LOC400499: variants seen among roughly 807,000 people sequenced by gnomAD.
the LOC400499 span, among the ~76,000 whole-genome samples, chr16:11,410,985 C>T: frequency 6.6e-6 from 1 of 152,258 alleles, no homozygotes; most frequent in Non-Finnish European, 1.5e-5. Context: ...AGGCGCCAGG[C>T]ACTGGGTGAG....
At chr16:11,393,327 T>A in the LOC400499 span, 16 of 1,172,976 alleles carry the variant, frequency 1.4e-5, no homozygotes, top group Non-Finnish European at 1.6e-5. Context: ...CAGACCCCCG[T>A]CCTTTCTTGA....
the LOC400499 span, among the ~76,000 whole-genome samples, chr16:11,433,966 T>C: frequency 9.2e-5 from 14 of 152,204 alleles, no homozygotes; most frequent in Non-Finnish European, 2.1e-4. Context: ...TTTTCGCGAA[T>C]GATCAGACAC....
the LOC400499 span, among the ~76,000 whole-genome samples, chr16:11,521,648 C>G: frequency 6.6e-6 from 1 of 152,182 alleles, no homozygotes; most frequent in Admixed American, 6.5e-5. Flanking sequence ...CAGTCCACCC[C>G]TAGGGCACAG....
At chr16:11,401,439 T>A in the LOC400499 span, 1 of 399,454 alleles carries the variant, frequency 2.5e-6, no homozygotes, top group Non-Finnish European at 4.4e-6. Flanking sequence ...CCAGTGGCCT[T>A]GCCCAGACAG....
the LOC400499 span, among the ~76,000 whole-genome samples, chr16:11,499,787 C>G: frequency 0.01 from 1,545 of 152,274 alleles, 35 homozygotes; most frequent in African/African-American, 0.035. Flanking sequence ...TTGGCACTCA[C>G]TATTAGCCGG....
chr16:11,412,516 C>A, the LOC400499 span, among the ~76,000 whole-genome samples: 1 of 152,216 alleles, frequency 6.6e-6, no homozygotes, highest in Admixed American at 6.5e-5. Context: ...TGGCCCCTGA[C>A]TTACTGCACA....
chr16:11,463,057 G>T, the LOC400499 span, among the ~76,000 whole-genome samples: 1 of 152,168 alleles, frequency 6.6e-6, no homozygotes, highest in Non-Finnish European at 1.5e-5. Context: ...ACAACCCAAA[G>T]TCCTTGTGAA....
the LOC400499 span, among the ~76,000 whole-genome samples, chr16:11,499,707 GC>G: frequency 6.6e-6 from 1 of 152,088 alleles, no homozygotes; most frequent in Admixed American, 6.5e-5. Flanking sequence ...GGTCTCTGAT[GC>G]CCCCAGGGAC....
chr16:11,431,198 G>C, the LOC400499 span: 2 of 399,032 alleles, frequency 5.0e-6, no homozygotes, highest in Non-Finnish European at 8.8e-6. Context: ...GCTGTGTTCT[G>C]GTCCAGCAGT....
At chr16:11,374,934 C>T in the LOC400499 span, among the ~76,000 whole-genome samples, 20 of 151,800 alleles carry the variant, frequency 1.3e-4, no homozygotes, top group South Asian at 6.3e-4. Context: ...CTGCAACCTC[C>T]GCCTCCCGGG....
the LOC400499 span, among the ~76,000 whole-genome samples, chr16:11,386,106 C>G: frequency 6.6e-6 from 1 of 152,218 alleles, no homozygotes; most frequent in African/African-American, 2.4e-5. Flanking sequence ...TGGGGGGAAA[C>G]ATTCACTATG....
the LOC400499 span, chr16:11,488,901 G>A: frequency 4.0e-5 from 16 of 398,610 alleles, no homozygotes; most frequent in South Asian, 1.3e-4. Flanking sequence ...GGGAGGGGCC[G>A]TGAGGAAAGG....
the LOC400499 span, among the ~76,000 whole-genome samples, chr16:11,453,601 T>C: frequency 6.6e-6 from 1 of 152,006 alleles, no homozygotes; most frequent in Non-Finnish European, 1.5e-5. Flanking sequence ...AAAATGCTAG[T>C]AGAAGGGCTA....
At chr16:11,409,564 A>C in the LOC400499 span, among the ~76,000 whole-genome samples, 1 of 152,256 alleles carries the variant, frequency 6.6e-6, no homozygotes, top group Admixed American at 6.5e-5. Context: ...TAAGAAAATT[A>C]AAAAGACATG....
the LOC400499 span, chr16:11,435,603 C>A: frequency 7.5e-6 from 3 of 398,958 alleles, no homozygotes; most frequent in Non-Finnish European, 1.3e-5. Flanking sequence ...TCCCAGGACA[C>A]CAGCCTTTTG....
chr16:11,385,841 T>C, the LOC400499 span, among the ~76,000 whole-genome samples: 2 of 152,166 alleles, frequency 1.3e-5, no homozygotes, highest in Admixed American at 1.3e-4. Context: ...CAGGCACAAC[T>C]CTGAATAAAT....
At chr16:11,507,649 T>C in the LOC400499 span, among the ~76,000 whole-genome samples, 2 of 152,232 alleles carry the variant, frequency 1.3e-5, no homozygotes, top group Admixed American at 1.3e-4. Context: ...TGTAAAGCCC[T>C]GGCAGGGCGC....
chr16:11,519,812 T>C, the LOC400499 span, among the ~76,000 whole-genome samples: 4 of 151,834 alleles, frequency 2.6e-5, no homozygotes, highest in Non-Finnish European at 5.9e-5. Flanking sequence ...TTCAAGCCAT[T>C]CTCCTGCCTC....
chr16:11,484,688 T>C, the LOC400499 span, among the ~76,000 whole-genome samples: 1 of 152,186 alleles, frequency 6.6e-6, no homozygotes, highest in African/African-American at 2.4e-5. Context: ...ATAGGATCTA[T>C]TTCAAGCAAC....
Sources: allele counts gnomAD v4.1 joint callset (sites outside exome capture counted in the v4.1 genomes callset), GRCh38; gene constraint gnomAD v4.1.1; transcripts MANE v1.5.